Variants in LRMDA observed in about 807,000 individuals in gnomAD.
The protein encoded by LRMDA is leucine rich melanocyte differentiation associated, also known as leucine-rich melanocyte differentiation-associated protein.
A neutral mutation model predicts 29.8 loss-of-function variants in LRMDA; 18 were observed. The ratio of observed to expected loss-of-function variants is 0.60; its 90% confidence interval spans 0.42 to 0.90. The LOEUF (loss-of-function observed/expected upper bound fraction) is 0.90, where lower values mean the gene tolerates loss of function less well. LRMDA is among the 40% of genes least tolerant of loss of function. The probability of loss-of-function intolerance (pLI) is 0.00; values close to 1 mark genes in which losing one functional copy is unlikely to be tolerated. For missense variants in LRMDA, 273 were observed against 273.9 expected (o/e 1.00, Z 0.02); for synonymous variants, 125 against 109.4 (o/e 1.14, Z -0.89).
intron 2 of LRMDA, among the ~76,000 whole-genome samples, chr10:75,853,924 G>A (rs897005694): frequency 2.0e-5 from 3 of 152,148 alleles, no homozygotes; most frequent in African/African-American, 7.2e-5. Flanking sequence ...GCAGCTAATG[G>A]TCTTTCTGCC....
intron 2 of LRMDA, among the ~76,000 whole-genome samples, chr10:75,937,538 C>G (rs972634162): frequency 4.6e-5 from 7 of 152,134 alleles, no homozygotes; most frequent in Non-Finnish European, 8.8e-5. Context: ...GCAACACTGC[C>G]CCCCGTAACT....
intron 2 of LRMDA, chr10:75,643,008 C>G (rs3675): frequency 0.66 from 99,625 of 152,040 alleles, 33,627 homozygotes; most frequent in East Asian, 0.74. Flanking sequence ...CTGAAGATGA[C>G]TTGATGCTAA....
chr10:76,167,607 T>C (rs1265739116), intron 5 of LRMDA, among the ~76,000 whole-genome samples: 1 of 152,182 alleles, frequency 6.6e-6, no homozygotes, highest in Admixed American at 6.5e-5. Context: ...GTTCCATTGG[T>C]CTATGTATCT....
At chr10:75,514,847 A>C (rs1230312913) in intron 2 of LRMDA, among the ~76,000 whole-genome samples, 1 of 151,642 alleles carries the variant, frequency 6.6e-6, no homozygotes, top group East Asian at 1.9e-4. Context: ...ACCTAACCTG[A>C]GTGTTCCTTT....
intron 6 of LRMDA, among the ~76,000 whole-genome samples, chr10:76,426,586 T>C (rs1320373364): frequency 6.6e-6 from 1 of 152,240 alleles, no homozygotes; most frequent in Non-Finnish European, 1.5e-5. Context: ...TGTTTTGCTG[T>C]GCAGAAGCTC....
intron 5 of LRMDA, among the ~76,000 whole-genome samples, chr10:76,191,764 T>G (rs1370891427): frequency 1.3e-5 from 2 of 152,212 alleles, no homozygotes; most frequent in Non-Finnish European, 2.9e-5. Context: ...AAAATGACTC[T>G]TTCGATTACC....
rs12414010 is a variant in LRMDA, at chr10:75,930,668, G to A, written c.132-105340G>A. ...CAATAAGCCATTTGTCAAAGTTGCT[G>A]AGAGAGCCTTCATCTATCTCCACTC... is the stretch of plus-strand genomic sequence containing the variant. On this transcript the variant is annotated intron_variant, in intron 2 of 6. Coordinates refer to ENST00000611255, the MANE Select transcript of LRMDA (RefSeq NM_001305581.2). Among the ~76,000 whole-genome samples, 54 of 152,304 alleles carry A rather than the reference G, an allele frequency of 3.5e-4. 1 individual carries two copies. Among genetic ancestry groups the A allele is most frequent in the Admixed American group, 3.2e-3 (49 of 15,300 alleles).
intron 6 of LRMDA, among the ~76,000 whole-genome samples, chr10:76,370,280 TAAA>T (rs1841439030): frequency 6.6e-6 from 1 of 152,116 alleles, no homozygotes; most frequent in Admixed American, 6.5e-5. Context: ...CATCCAGCTA[TAAA>T]GAGCTGCCAG....
rs185708469 is a variant in LRMDA at position 76,126,845 on chromosome 10, C to T, written c.516+68062C>T. Among the ~76,000 whole-genome samples the T allele has an allele frequency of 2.8e-3, 426 of 152,310 alleles. 1 individual carries two copies. Among genetic ancestry groups the T allele is most frequent in the Middle Eastern group, 0.01 (3 of 294 alleles). On this transcript the variant is annotated intron_variant, in intron 5 of 6. Transcript: ENST00000611255. ...CTCTCTGCATGGAATAAGAAAAGAA[C>T]AATCTTGGGCAAAAGGCTCTCAGCA...
At chr10:75,495,290 G>T (rs569958502) in intron 2 of LRMDA, among the ~76,000 whole-genome samples, 1 of 151,326 alleles carries the variant, frequency 6.6e-6, no homozygotes, top group Non-Finnish European at 1.5e-5. Context: ...TAGTTGAAAT[G>T]CCCCTCCCTA....
intron 2 of LRMDA, among the ~76,000 whole-genome samples, chr10:75,791,856 C>CTTTTTTTT (rs5786188): frequency 2.0e-5 from 2 of 102,064 alleles, no homozygotes; most frequent in Non-Finnish European, 4.1e-5. Flanking sequence ...ATTCCAGGAT[C>CTTTTTTTT]TTTTTTTTTT....
chr10:75,578,238 A>AAAAAAAAAAAAAAAAAAAC (rs1564805418), intron 2 of LRMDA, among the ~76,000 whole-genome samples: 1 of 147,940 alleles, frequency 6.8e-6, no homozygotes, highest in Non-Finnish European at 1.5e-5. Context: ...AAAAAAAAAA[A>AAAAAAAAAAAAAAAAAAAC]AGCAGCAGTT....
chr10:75,560,476 C>CA (rs1344656739), intron 2 of LRMDA, among the ~76,000 whole-genome samples: 1 of 151,406 alleles, frequency 6.6e-6, no homozygotes, highest in African/African-American at 2.4e-5. Flanking sequence ...ATGTCATCTG[C>CA]AAACAGGGAC....
intron 2 of LRMDA, among the ~76,000 whole-genome samples, chr10:75,651,553 T>C (rs905636116): frequency 3.3e-5 from 5 of 152,242 alleles, no homozygotes; most frequent in Admixed American, 2.6e-4. Flanking sequence ...TTAGGATCTG[T>C]GTATAAGCCA....
intron 2 of LRMDA, among the ~76,000 whole-genome samples, chr10:75,524,463 T>G (rs1845393356): frequency 6.6e-6 from 1 of 152,176 alleles, no homozygotes; most frequent in Non-Finnish European, 1.5e-5. Flanking sequence ...GTCTTGGTGA[T>G]GTAATTTAGC....
chr10:76,233,501 C>T (rs1278103944), intron 5 of LRMDA, among the ~76,000 whole-genome samples: 2 of 152,134 alleles, frequency 1.3e-5, no homozygotes, highest in Admixed American at 1.3e-4. Flanking sequence ...AGGTTTGCCA[C>T]ATTGATTGAC....
chr10:75,798,383 TC>T (rs1325837550), intron 2 of LRMDA, among the ~76,000 whole-genome samples: 1 of 152,108 alleles, frequency 6.6e-6, no homozygotes, highest in African/African-American at 2.4e-5. Flanking sequence ...ATATAAGAAA[TC>T]CCTGCCGAGG....
chr10:75,563,811 C>T lies in LRMDA; in HGVS notation c.131+125317C>T, dbSNP rs545698699. On this transcript the variant is annotated intron_variant, in intron 2 of 6. Transcript: ENST00000611255. ...AGAGATCCACTCCAGACCCTGTTTT[C>T]CTGGGTATCAGCAGCGGTGGCTGCA... 5.9e-5 allele frequency among the ~76,000 whole-genome samples: 9 copies of T among 152,246 alleles called. No homozygotes were observed. In the South Asian group the frequency reaches 1.9e-3, roughly 32 times the overall value.
intron 2 of LRMDA, among the ~76,000 whole-genome samples, chr10:75,974,188 G>A (rs971176642): frequency 1.4e-4 from 22 of 152,090 alleles, no homozygotes; most frequent in Non-Finnish European, 2.9e-4. Context: ...CCACAAATGT[G>A]TCTTGGTTCC....
Sources: allele counts gnomAD v4.1 joint callset (sites outside exome capture counted in the v4.1 genomes callset), GRCh38; gene constraint gnomAD v4.1.1; transcripts MANE v1.5; gene names NCBI Gene and HGNC (gene_info 2026-07-23, HGNC 2026-07-21).